LRP1B: variants seen among roughly 807,000 people sequenced by gnomAD.
LRP1B encodes LDL receptor related protein 1B, also known as low-density lipoprotein receptor-related protein 1B.
In LRP1B, 217 loss-of-function variants were observed where a neutral mutation model predicts 556.6. The observed-to-expected ratio is 0.39, with a 90% CI of 0.35 to 0.44. The LOEUF (loss-of-function observed/expected upper bound fraction) is 0.44, where lower values mean the gene tolerates loss of function less well. LRP1B is among the 20% of genes least tolerant of loss of function. LRP1B has a pLI of 1.00. For synonymous variants in LRP1B, 2,047 were observed against 1,865.8 expected, an observed-to-expected ratio of 1.10 and a Z score of -2.50; for missense variants, 5,053 against 5,620.8, an observed-to-expected ratio of 0.90 and a Z score of 3.23.
At chr2:140,524,135 AAC>A (rs397708979) in intron 49 of LRP1B, among the ~76,000 whole-genome samples, 56 of 151,824 alleles carry the variant, frequency 3.7e-4, no homozygotes, top group African/African-American at 1.2e-3. Flanking sequence ...AAATAAAAAA[AAC>A]AAATAACCCC....
At position 140,421,134 on chromosome 2, in the gene LRP1B, T is replaced by C. The variant is rs1035845047; in HGVS notation, c.10414+21370A>G. Among the ~76,000 whole-genome samples, 10 of 152,052 alleles carry C rather than the reference T, an allele frequency of 6.6e-5. No individual in the cohort carries two copies. The East Asian group carries it at 1.4e-3, about 21-fold the overall frequency. ...AGCCAGGGATGGTGGTGCGTGTCTGTAGTCCATCCACTCGGGAGGCTGAGG... is the reference window on the plus strand; with the variant it reads ...AGCCAGGGATGGTGGTGCGTGTCTGCAGTCCATCCACTCGGGAGGCTGAGG... On this transcript the variant is annotated intron_variant, in intron 66 of 90. Transcript: ENST00000389484.
chr2:141,596,845 A>T (rs968856156), intron 2 of LRP1B, among the ~76,000 whole-genome samples: 2 of 152,030 alleles, frequency 1.3e-5, no homozygotes, highest in African/African-American at 4.8e-5. Context: ...AGAAATAAAC[A>T]CTTGAAACAT....
At chr2:141,661,008 C>T (rs1490012762) in intron 2 of LRP1B, among the ~76,000 whole-genome samples, 1 of 152,142 alleles carries the variant, frequency 6.6e-6, no homozygotes, top group Non-Finnish European at 1.5e-5. Context: ...CTGGTGACAC[C>T]TCCAGGTGCA....
intron 1 of LRP1B, among the ~76,000 whole-genome samples, chr2:141,858,391 A>G (rs1353912574): frequency 1.3e-5 from 2 of 152,188 alleles, no homozygotes; most frequent in African/African-American, 4.8e-5. Flanking sequence ...TTTCATTCGC[A>G]TCTTCAATAA....
At chr2:140,360,718 T>A (rs1284742697) in intron 72 of LRP1B, among the ~76,000 whole-genome samples, 1 of 151,516 alleles carries the variant, frequency 6.6e-6, no homozygotes, top group African/African-American at 2.4e-5. Flanking sequence ...TTAAGTTTCT[T>A]ATACCCTATG....
At chr2:140,748,568 A>C (rs1688428921) in intron 35 of LRP1B, among the ~76,000 whole-genome samples, 1 of 100,360 alleles carries the variant, frequency 1.0e-5, no homozygotes, top group Non-Finnish European at 1.9e-5. Context: ...ATGTTGTTAA[A>C]CATAGTTATA....
chr2:141,834,412 G>C (rs564982698), intron 1 of LRP1B, among the ~76,000 whole-genome samples: 1 of 151,822 alleles, frequency 6.6e-6, no homozygotes, highest in Non-Finnish European at 1.5e-5. Context: ...GAAACAAAGT[G>C]GCTATTTCAG....
chr2:141,239,822 G>A (rs1037935128), intron 5 of LRP1B, among the ~76,000 whole-genome samples: 1 of 151,808 alleles, frequency 6.6e-6, no homozygotes, highest in Non-Finnish European at 1.5e-5. Context: ...TCTAGTGATG[G>A]GAAAAAGTAA....
intron 2 of LRP1B, among the ~76,000 whole-genome samples, chr2:141,722,776 A>AGATAGATAGATC (rs766368532): frequency 6.7e-6 from 1 of 148,328 alleles, no homozygotes. Flanking sequence ...ATAGATAGAT[A>AGATAGATAGATC]GATCAATCTA....
chr2:140,979,618 CT>C (rs1176503254), intron 18 of LRP1B, among the ~76,000 whole-genome samples: 1 of 152,074 alleles, frequency 6.6e-6, no homozygotes, highest in Admixed American at 6.6e-5. Flanking sequence ...ATCAGGGTTC[CT>C]CCCCACCAGG....
rs1045684614 is a variant in LRP1B at position 141,969,590 on chromosome 2, T to G, written c.83-159189A>C. Among the ~76,000 whole-genome samples, 10 of 151,650 alleles carry G rather than the reference T, an allele frequency of 6.6e-5. No individual in the cohort carries two copies. In the East Asian group the frequency reaches 1.9e-3, roughly 29 times the overall value. Reference sequence around the variant, plus strand: ...ATTTTGTTACAAATAAAAGAATCCTTTTTAAAGGCTGAATAGTATTCCACT... The same window carrying G: ...ATTTTGTTACAAATAAAAGAATCCTGTTTAAAGGCTGAATAGTATTCCACT... On this transcript the variant is annotated intron_variant, in intron 1 of 90. Transcript: ENST00000389484.
At chr2:141,325,359 G>T (rs1454487231) in intron 3 of LRP1B, among the ~76,000 whole-genome samples, 1 of 151,982 alleles carries the variant, frequency 6.6e-6, no homozygotes, top group Non-Finnish European at 1.5e-5. Context: ...ATTATTAAAT[G>T]TTTCAAGAGT....
chr2:140,544,609 T>C (rs984872951), intron 43 of LRP1B, among the ~76,000 whole-genome samples: 3 of 152,154 alleles, frequency 2.0e-5, no homozygotes, highest in Admixed American at 6.6e-5. Flanking sequence ...TTGCTAAAGA[T>C]AATGTCCTCT....
intron 35 of LRP1B, among the ~76,000 whole-genome samples, chr2:140,754,969 G>C (rs1173855064): frequency 6.6e-6 from 1 of 151,722 alleles, no homozygotes; most frequent in African/African-American, 2.4e-5. Flanking sequence ...CTAAAATTAA[G>C]AATGAAATAT....
chr2:141,069,433 T>C (rs1014537805), intron 7 of LRP1B, among the ~76,000 whole-genome samples: 2 of 152,190 alleles, frequency 1.3e-5, no homozygotes, highest in South Asian at 4.1e-4. Context: ...GTTTGAAACA[T>C]GGTGGGAAAA....
intron 4 of LRP1B, among the ~76,000 whole-genome samples, chr2:141,252,202 C>A (rs1372709563): frequency 7.0e-6 from 1 of 142,082 alleles, no homozygotes; most frequent in Non-Finnish European, 1.5e-5. Context: ...CCACCCCCCA[C>A]CCCCTAAAAA....
At chr2:140,721,793 G>A (rs1056467382) in intron 35 of LRP1B, among the ~76,000 whole-genome samples, 4 of 150,130 alleles carry the variant, frequency 2.7e-5, no homozygotes, top group Non-Finnish European at 5.9e-5. Context: ...TCCTGACCTC[G>A]TGATCCGTCC....
chr2:141,947,345 G>A, intron 1 of LRP1B, among the ~76,000 whole-genome samples: 1 of 152,088 alleles, frequency 6.6e-6, no homozygotes, highest in African/African-American at 2.4e-5. Flanking sequence ...GATGAGGCAG[G>A]AGAATTGCTT....
intron 1 of LRP1B, among the ~76,000 whole-genome samples, chr2:141,872,514 A>C (rs544071851): frequency 6.6e-6 from 1 of 151,944 alleles, no homozygotes; most frequent in East Asian, 1.9e-4. Context: ...GTTTCCTTAA[A>C]GAAAACAAAA....
Sources: gnomAD v4.1 joint callset for allele counts (sites outside exome capture counted in the v4.1 genomes callset) on GRCh38, gnomAD v4.1.1 for gene constraint, MANE v1.5 for transcripts, NCBI Gene and HGNC (gene_info 2026-07-23, HGNC 2026-07-21) for gene names.